The following NRXN3 variants were observed in gnomAD, a reference collection of about 807,000 sequenced individuals.
NRXN3 encodes neurexin III.
In NRXN3, 32 loss-of-function variants were observed where a neutral mutation model predicts 137.6. The ratio of observed to expected loss-of-function variants is 0.23; its 90% CI spans 0.18 to 0.31. The LOEUF (loss-of-function observed/expected upper bound fraction) is 0.31. Among genes scored for constraint, NRXN3 ranks in the 10% least tolerant of loss-of-function variants. The pLI, the probability that NRXN3 is intolerant of heterozygous loss-of-function variation, is 1.00. For synonymous variants in NRXN3, 798 were observed against 784.5 expected (o/e 1.02, Z -0.29); for missense variants, 1,574 against 2,062.5 (o/e 0.76, Z 4.59).
chr14:78,930,509 G>A (rs1308895370), intron 10 of NRXN3, among the ~76,000 whole-genome samples: 2 of 152,190 alleles, frequency 1.3e-5, no homozygotes, highest in Non-Finnish European at 2.9e-5. Flanking sequence ...CAAGTCTGGT[G>A]GGAGAGATAG....
At chr14:79,768,150 C>A (rs557053393) in intron 19 of NRXN3, among the ~76,000 whole-genome samples, 1 of 152,214 alleles carries the variant, frequency 6.6e-6, no homozygotes, top group Non-Finnish European at 1.5e-5. Context: ...TGATTGCTAG[C>A]ACAGCAGTCT....
intron 15 of NRXN3, among the ~76,000 whole-genome samples, chr14:79,415,228 A>C (rs1350233553): frequency 6.6e-6 from 1 of 152,078 alleles, no homozygotes; most frequent in East Asian, 1.9e-4. Flanking sequence ...TACTGATTTC[A>C]CATTTTTTGG....
At chr14:79,091,683 A>G (rs2049222825) in intron 15 of NRXN3, among the ~76,000 whole-genome samples, 1 of 152,168 alleles carries the variant, frequency 6.6e-6, no homozygotes, top group Admixed American at 6.5e-5. Context: ...AATTATAGCC[A>G]GGAGATATAT....
intron 15 of NRXN3, among the ~76,000 whole-genome samples, chr14:79,292,952 T>G (rs1019950284): frequency 6.6e-6 from 1 of 152,216 alleles, no homozygotes; most frequent in African/African-American, 2.4e-5. Context: ...CAGGCTCATG[T>G]CAACATGTCA....
chr14:78,961,841 A>G (rs2099408754), intron 11 of NRXN3, among the ~76,000 whole-genome samples: 1 of 152,126 alleles, frequency 6.6e-6, no homozygotes, highest in Admixed American at 6.5e-5. Flanking sequence ...TTCCATAACT[A>G]TATGTCCTTC....
chr14:78,204,766 T>G (rs2062022089), intron 1 of NRXN3, among the ~76,000 whole-genome samples: 2 of 152,238 alleles, frequency 1.3e-5, no homozygotes. Context: ...GTATTATTAT[T>G]GTAATCCTAC....
intron 4 of NRXN3, among the ~76,000 whole-genome samples, chr14:78,468,045 T>A (rs1356231280): frequency 6.6e-6 from 1 of 152,134 alleles, no homozygotes; most frequent in African/African-American, 2.4e-5. Flanking sequence ...TGCCTCAGCC[T>A]CCTGAGTAGC....
At chr14:79,851,977 C>CAA (rs35042494) in intron 20 of NRXN3, among the ~76,000 whole-genome samples, 37 of 149,192 alleles carry the variant, frequency 2.5e-4, no homozygotes, top group South Asian at 6.3e-4. Context: ...GCCATTCTTA[C>CAA]AAAAAAAAAA....
intron 4 of NRXN3, among the ~76,000 whole-genome samples, chr14:78,456,799 C>CTCTTTCTTTT (rs2094721140): frequency 1.0e-5 from 1 of 97,620 alleles, no homozygotes; most frequent in South Asian, 4.3e-4. Context: ...CTCTCTTTCT[C>CTCTTTCTTTT]TCTTTCTTTC....
chr14:78,805,302 A>AT (rs2098856764), intron 9 of NRXN3, among the ~76,000 whole-genome samples: 1 of 150,700 alleles, frequency 6.6e-6, no homozygotes, highest in African/African-American at 2.4e-5. Context: ...TTTAGGTTAT[A>AT]TTTTTTTCTT....
At chr14:78,733,761 G>A (rs753774210) in intron 8 of NRXN3, among the ~76,000 whole-genome samples, 5 of 152,160 alleles carry the variant, frequency 3.3e-5, no homozygotes, top group Admixed American at 6.6e-5. Context: ...CAGAATGTTA[G>A]CAGAAAGCCA....
At chr14:78,500,010 A>G (rs2095853887) in intron 4 of NRXN3, among the ~76,000 whole-genome samples, 1 of 152,122 alleles carries the variant, frequency 6.6e-6, no homozygotes, top group African/African-American at 2.4e-5. Flanking sequence ...ACTCTAAAGG[A>G]AGGGATTATG....
intron 15 of NRXN3, among the ~76,000 whole-genome samples, chr14:79,328,055 T>C (rs776114258): frequency 2.0e-5 from 3 of 152,326 alleles, no homozygotes; most frequent in East Asian, 3.9e-4. Flanking sequence ...GGGTCCTGTG[T>C]GACTCTACCA....
At chr14:79,846,291 TATAAAA>T (rs1033298749) in intron 20 of NRXN3, among the ~76,000 whole-genome samples, 3 of 152,160 alleles carry the variant, frequency 2.0e-5, no homozygotes, top group Admixed American at 6.5e-5. Context: ...TGTTTTTAAA[TATAAAA>T]ATAATTTGCT....
intron 4 of NRXN3, among the ~76,000 whole-genome samples, chr14:78,401,591 C>T (rs1000441606): frequency 6.6e-6 from 1 of 152,204 alleles, no homozygotes; most frequent in Admixed American, 6.5e-5. Flanking sequence ...CCCAAAAGGC[C>T]ACTTTTTAAT....
chr14:78,620,390 A>T (rs2097390382), intron 4 of NRXN3, among the ~76,000 whole-genome samples: 1 of 152,158 alleles, frequency 6.6e-6, no homozygotes, highest in African/African-American at 2.4e-5. Flanking sequence ...ACTGTTTCTG[A>T]TTTATTCCCC....
intron 4 of NRXN3, among the ~76,000 whole-genome samples, chr14:78,431,281 A>G (rs2093868958): frequency 6.6e-6 from 1 of 152,188 alleles, no homozygotes; most frequent in Non-Finnish European, 1.5e-5. Flanking sequence ...GGAACTTGAT[A>G]GGCACTAAGG....
chr14:78,307,440 A>C (rs1297127912), intron 4 of NRXN3, among the ~76,000 whole-genome samples: 1 of 152,138 alleles, frequency 6.6e-6, no homozygotes, highest in Non-Finnish European at 1.5e-5. Flanking sequence ...TAGATTGCTT[A>C]ACTTTCATTA....
rs1215757613 is a variant in NRXN3, at chr14:78,278,619, C to T, written c.710-26C>T. The T allele has an allele frequency of 2.2e-5, 33 of 1,530,664 alleles. No individual in the cohort carries two copies. The East Asian group carries it at 5.9e-4, about 27-fold the overall frequency. 94.8% of individuals were successfully genotyped at this position (1,530,664 alleles called of 1,614,324 possible). A position where few individuals can be genotyped will look rare whatever the true frequency, so the allele number is the denominator to read the frequency against. ...CCCCTTTTCTCTCCTCTCTCCCTTT[C>T]CCTCCCTTTGAAAATGCTGCCACAG... On this transcript the variant is annotated intron_variant, in intron 2 of 20. Coordinates refer to ENST00000335750, the MANE Select transcript of NRXN3 (RefSeq NM_001330195.2).
Sources: allele counts gnomAD v4.1 joint callset (sites outside exome capture counted in the v4.1 genomes callset), GRCh38; gene constraint gnomAD v4.1.1; transcripts MANE v1.5; gene names NCBI Gene and HGNC (gene_info 2026-07-23, HGNC 2026-07-21).